Variants in GPHN observed in about 807,000 individuals in gnomAD.
The protein encoded by GPHN is gephyrin.
In GPHN, 17 loss-of-function variants were observed where a neutral mutation model predicts 95.5. The observed-to-expected ratio is 0.18, with a 90% confidence interval of 0.12 to 0.27. The LOEUF is 0.27. Among genes scored for constraint, GPHN ranks in the 10% least tolerant of loss-of-function variants. The pLI, the probability that GPHN is intolerant of heterozygous loss-of-function variation, is 1.00. For synonymous variants in GPHN, 320 were observed against 322.5 expected (o/e 0.99, Z 0.08); for missense variants, 660 against 978.1 (o/e 0.67, Z 4.34).
Position 66,879,947 on chromosome 14 carries a change from A to G in GPHN, c.303A>G (p.Lys101=), listed in dbSNP as rs766375525. Residue 101 remains lysine (K), a synonymous_variant, in exon 5 of 23, where the codon AAA becomes AAG. Transcript: ENST00000478722. ...APRDVTPEAT[K]EVIEREAPGM... is the part of the protein sequence containing the mutation. Reference sequence around the variant, plus strand: ...TTAATCTTTAATTACAGGCCACAAAAGAAGTAATAGAACGGGAAGCACCAG... The same window carrying G: ...TTAATCTTTAATTACAGGCCACAAAGGAAGTAATAGAACGGGAAGCACCAG... 2 of 1,605,356 alleles carry G rather than the reference A, an allele frequency of 1.2e-6. No homozygotes were observed. The highest frequency in any genetic ancestry group is 2.2e-5 in the South Asian group (2 of 90,912).
At chr14:67,069,782 G>T (rs1441319975) in intron 11 of GPHN, among the ~76,000 whole-genome samples, 1 of 152,094 alleles carries the variant, frequency 6.6e-6, no homozygotes, top group Non-Finnish European at 1.5e-5. Context: ...ACCCACCCAG[G>T]TCATTCAGGA....
intron 1 of GPHN, among the ~76,000 whole-genome samples, chr14:66,677,713 G>A (rs1306451679): frequency 2.0e-5 from 3 of 151,998 alleles, no homozygotes; most frequent in African/African-American, 2.4e-5. Flanking sequence ...GGTCTGTCTT[G>A]TAGAATGTTC....
the GPHN span, among the ~76,000 whole-genome samples, chr14:67,388,656 C>T: frequency 6.6e-6 from 1 of 152,150 alleles, no homozygotes; most frequent in Non-Finnish European, 1.5e-5. Context: ...TCTTACAAAG[C>T]AATCAGAAAT....
chr14:67,181,347 A>T lies in GPHN; in HGVS notation c.*410A>T, dbSNP rs1006730286. The T allele has an allele frequency of 2.3e-6, 1 of 433,794 alleles. No individual in the cohort carries two copies. Among genetic ancestry groups the T allele is most frequent in the African/African-American group, 2.0e-5 (1 of 50,438 alleles). 26.9% of individuals were successfully genotyped at this position (433,794 alleles called of 1,614,324 possible). A position where few individuals can be genotyped will look rare whatever the true frequency, so the allele number is the denominator to read the frequency against. ...AGGCAACACTTGGATTTCCCTTCTT[A>T]GTATGCTTCATAACTGCTTTACAGA... is the stretch of plus-strand genomic sequence containing the variant. On this transcript the variant is annotated 3_prime_UTR_variant, in exon 23 of 23. Coordinates refer to ENST00000478722, the MANE Select transcript of GPHN (RefSeq NM_020806.5).
the GPHN span, among the ~76,000 whole-genome samples, chr14:67,227,905 C>T: frequency 1.3e-5 from 2 of 152,114 alleles, no homozygotes; most frequent in African/African-American, 2.4e-5. Flanking sequence ...TGCGGTGGCT[C>T]ACGCCTATAA....
At chr14:66,779,220 A>T (rs990732456) in intron 3 of GPHN, among the ~76,000 whole-genome samples, 6 of 152,186 alleles carry the variant, frequency 3.9e-5, no homozygotes, top group African/African-American at 1.4e-4. Context: ...AAATTTCAAG[A>T]AATTTATTCC....
intron 8 of GPHN, among the ~76,000 whole-genome samples, chr14:66,944,450 A>G (rs915598033): frequency 6.6e-6 from 1 of 152,244 alleles, no homozygotes; most frequent in Non-Finnish European, 1.5e-5. Flanking sequence ...TACTGACCAT[A>G]TGGAAAGTCA....
chr14:66,563,940 T>G (rs2140303415), intron 1 of GPHN, among the ~76,000 whole-genome samples: 1 of 152,286 alleles, frequency 6.6e-6, no homozygotes, highest in South Asian at 2.1e-4. Flanking sequence ...AGTTTTTGTC[T>G]TAGTGTTTTG....
chr14:67,733,832 G>T, the GPHN span: 1 of 1,612,490 alleles, frequency 6.2e-7, no homozygotes, highest in South Asian at 1.1e-5. Context: ...GAGCTTCTAG[G>T]AATCCGGTGG....
chr14:67,134,483 C>G (rs1424517451), intron 17 of GPHN, among the ~76,000 whole-genome samples: 4 of 152,128 alleles, frequency 2.6e-5, no homozygotes, highest in Non-Finnish European at 5.9e-5. Context: ...ATATTATTAG[C>G]CTATGATATT....
chr14:66,609,209 T>C (rs558715687), intron 1 of GPHN, among the ~76,000 whole-genome samples: 9 of 152,276 alleles, frequency 5.9e-5, no homozygotes, highest in African/African-American at 2.2e-4. Flanking sequence ...TGAAGCTTAC[T>C]TTGGTGGGAT....
chr14:67,027,191 G>A (rs895012631), intron 10 of GPHN, among the ~76,000 whole-genome samples: 1 of 151,960 alleles, frequency 6.6e-6, no homozygotes, highest in South Asian at 2.1e-4. Context: ...ATTCATTTCC[G>A]TCAACCACTT....
At chr14:66,952,804 C>T (rs926478658) in intron 8 of GPHN, among the ~76,000 whole-genome samples, 1 of 152,110 alleles carries the variant, frequency 6.6e-6, no homozygotes, top group South Asian at 2.1e-4. Flanking sequence ...AAGTGATTCT[C>T]CTGCCTCAGC....
At chr14:67,389,609 T>G in the GPHN span, among the ~76,000 whole-genome samples, 2 of 152,128 alleles carry the variant, frequency 1.3e-5, no homozygotes, top group Admixed American at 1.3e-4. Flanking sequence ...TATATTTACA[T>G]GTATATGTAT....
the GPHN span, among the ~76,000 whole-genome samples, chr14:67,193,897 A>T: frequency 1.4e-5 from 2 of 146,266 alleles, no homozygotes; most frequent in African/African-American, 5.1e-5. Flanking sequence ...GTGAGCAATG[A>T]TCACACCACT....
At chr14:67,296,935 G>A in the GPHN span, among the ~76,000 whole-genome samples, 5 of 152,194 alleles carry the variant, frequency 3.3e-5, no homozygotes, top group South Asian at 2.1e-4. Context: ...GATTACAGGC[G>A]TGAGCCACAG....
the GPHN span, among the ~76,000 whole-genome samples, chr14:67,431,367 G>C: frequency 7.0e-6 from 1 of 142,188 alleles, no homozygotes; most frequent in Admixed American, 7.6e-5. Context: ...ACTCCAGCCT[G>C]GGTGACAGAG....
chr14:66,845,887 G>A (rs958725271), intron 4 of GPHN, among the ~76,000 whole-genome samples: 12 of 151,972 alleles, frequency 7.9e-5, no homozygotes, highest in Non-Finnish European at 2.9e-5. Context: ...ACGTGAACGT[G>A]TGTCTGTGTG....
chr14:66,639,750 A>G (rs1391913073), intron 1 of GPHN, among the ~76,000 whole-genome samples: 1 of 152,108 alleles, frequency 6.6e-6, no homozygotes, highest in Non-Finnish European at 1.5e-5. Context: ...ATATGTGTAT[A>G]TATGTAACAT....
Sources: gnomAD v4.1 joint callset for allele counts (sites outside exome capture counted in the v4.1 genomes callset) on GRCh38, gnomAD v4.1.1 for gene constraint, MANE v1.5 for transcripts, NCBI Gene and HGNC (gene_info 2026-07-23, HGNC 2026-07-21) for gene names.